The following TNK2 variants were observed in gnomAD, a reference collection of about 807,000 sequenced individuals.
The protein encoded by TNK2 is tyrosine kinase non receptor 2.
TNK2 carries 83 observed loss-of-function variants against 101.8 expected under a neutral mutation model. The observed-to-expected ratio is 0.82, with a 90% CI of 0.68 to 0.98. The LOEUF is 0.98. Ranked by LOEUF, TNK2 falls within the 50% of genes least tolerant of loss-of-function variation. TNK2 has a pLI of 0.00. For synonymous variants in TNK2, 804 were observed against 633.0 expected (o/e 1.27, Z -4.06); for missense variants, 1,665 against 1,483.2 (o/e 1.12, Z -2.01).
At chr3:195,896,903 G>C (rs769041925) in intron 1 of TNK2, 3 of 152,232 alleles carry the variant, frequency 2.0e-5, no homozygotes, top group Non-Finnish European at 2.9e-5. Flanking sequence ...CATGCGAAGT[G>C]ACAAATCCAC....
intron 9 of TNK2, among the ~76,000 whole-genome samples, chr3:195,874,307 C>T (rs909694109): frequency 4.6e-5 from 7 of 152,244 alleles, no homozygotes; most frequent in African/African-American, 1.7e-4. Context: ...CAGCTCCAGG[C>T]ACAGAAGCCT....
In TNK2 at chr3:195,878,568, C is replaced by G. The variant is rs750876936; in HGVS notation, c.1039G>C (p.Gly347Arg). ...TCCTCGGGCCGGGGCAGCCGCTCCC[C>G]CTCCTTGTCGATCTTATGCAGGATC... ...SQILHKIDKE[G>R]ERLPRPEDCP... is the part of the protein sequence containing the mutation. Residue 347 changes from glycine to arginine, a missense_variant, in exon 8 of 16, where the codon GGG (glycine) becomes CGG (arginine). By Grantham distance (125) the Gly-to-Arg change is moderately radical (BLOSUM62 -2). Around this residue, in one of 3 missense-constraint regions of TNK2, gnomAD observed 490 missense variants for 522.5 expected, o/e 0.94. Coordinates refer to ENST00000672887, the MANE Select transcript of TNK2 (RefSeq NM_001382273.1). This position sits in a 1 kb window ranked among gnomAD's most constrained non-coding sequence, Gnocchi z 4.7. 7 of 1,613,366 alleles carry G rather than the reference C, an allele frequency of 4.3e-6. No homozygotes were observed. The South Asian group carries it at 5.5e-5, about 13-fold the overall frequency.
chr3:195,885,093 C>T lies in TNK2; in HGVS notation c.235-60G>A, dbSNP rs1016257913. ...AACACCCCAGGGTCAGTCACTCAGT[C>T]CCACCCCGCTGGGTCCACCTGGTGA... On this transcript the variant is annotated intron_variant, in intron 3 of 15. Coordinates refer to ENST00000672887, the MANE Select transcript of TNK2 (RefSeq NM_001382273.1). The surrounding 1 kb of genome is among the most constrained non-coding windows in gnomAD (Gnocchi z 4.7). 12 of 1,479,788 alleles carry T rather than the reference C, an allele frequency of 8.1e-6. No homozygotes were observed. The highest frequency in any genetic ancestry group is 2.2e-5 in the Admixed American group (1 of 45,136). 91.7% of individuals were successfully genotyped at this position (1,479,788 alleles called of 1,614,324 possible).
At chr3:195,905,597 A>G (rs1761638070) in intron 1 of TNK2, among the ~76,000 whole-genome samples, 1 of 152,128 alleles carries the variant, frequency 6.6e-6, no homozygotes, top group Admixed American at 6.6e-5. Flanking sequence ...CTACATGCAA[A>G]AAACTGGACA....
chr3:195,870,108 TCTTA>T lies in TNK2; in HGVS notation c.1543+2_1543+5del. On this transcript the variant is annotated splice_donor_variant and splice_donor_5th_base_variant and intron_variant, in intron 11 of 15. Coordinates refer to ENST00000672887, the MANE Select transcript of TNK2 (RefSeq NM_001382273.1). LOFTEE classifies it high-confidence loss of function. Reference sequence around the variant, plus strand: ...TAGGGACACCAGGGAGCAGAGGGGCTCTTACTTTTCACCCCTCCTAGATGCTGGG... The same window carrying T: ...TAGGGACACCAGGGAGCAGAGGGGCTCTTTTCACCCCTCCTAGATGCTGGG... 2.1e-6 allele frequency: 3 copies of T among 1,439,212 alleles called. No homozygotes were observed. Among genetic ancestry groups the T allele is most frequent in the South Asian group, 1.5e-5 (1 of 68,536 alleles). 89.2% of individuals were successfully genotyped at this position (1,439,212 alleles called of 1,614,324 possible).
rs1450859579 is a variant in TNK2 at position 195,885,529 on chromosome 3, C to T, written c.235-496G>A. 5.4e-6 allele frequency: 7 copies of T among 1,292,666 alleles called. No homozygotes were observed. The highest frequency in any genetic ancestry group is 2.1e-4 in the Middle Eastern group (1 of 4,706). 80.1% of individuals were successfully genotyped at this position (1,292,666 alleles called of 1,614,324 possible). ...TCTGTCTCCACCCTCACCAGGGAGT[C>T]GGCTGCCCTTCATCCTGCCCAGGGG... On this transcript the variant is annotated intron_variant, in intron 3 of 15. Transcript: ENST00000672887. The surrounding 1 kb of genome is among the most constrained non-coding windows in gnomAD (Gnocchi z 4.7).
At chr3:195,895,655 G>C (rs1577113928) in intron 1 of TNK2, 2 of 1,250,304 alleles carry the variant, frequency 1.6e-6, no homozygotes, top group East Asian at 3.2e-5. Context: ...GCCGGCCGCG[G>C]AACCGGGCTC....
At chr3:195,869,409 A>C in intron 12 of TNK2, 88 bp downstream of exon 12, 121 of 633,222 alleles carry the variant, frequency 1.9e-4, no homozygotes, top group Non-Finnish European at 2.8e-4. Flanking sequence ...CCTCCGGCCC[A>C]GCCGCCCAGG....
intron 1 of TNK2, chr3:195,896,005 C>A: frequency 5.3e-6 from 2 of 380,828 alleles, no homozygotes; most frequent in South Asian, 3.6e-5. Context: ...GTTCCCCGCG[C>A]GCCACTCCCG....
intron 1 of TNK2, among the ~76,000 whole-genome samples, chr3:195,907,830 T>G (rs1022470445): frequency 1.3e-5 from 2 of 152,156 alleles, no homozygotes; most frequent in Non-Finnish European, 2.9e-5. Flanking sequence ...AAGTGCACCC[T>G]CCTCTCCCGC....
intron 10 of TNK2, among the ~76,000 whole-genome samples, chr3:195,871,985 G>A (rs1745725841): frequency 2.2e-5 from 1 of 46,076 alleles, no homozygotes; most frequent in Non-Finnish European, 5.2e-5. Flanking sequence ...ACCCTCCCCT[G>A]GAGAACCCTC....
intron 9 of TNK2, chr3:195,872,728 A>AC (rs1433652293): frequency 1.2e-5 from 6 of 484,066 alleles, no homozygotes; most frequent in Non-Finnish European, 1.1e-5. Context: ...ATAAGGAGGC[A>AC]CGCTGGAAGC....
chr3:195,873,264 CTGGGCAGGGGCA>C (rs1746700889), intron 9 of TNK2, among the ~76,000 whole-genome samples: 1 of 152,172 alleles, frequency 6.6e-6, no homozygotes, highest in Non-Finnish European at 1.5e-5. Flanking sequence ...AAGCCGGGGC[CTGGGCAGGGGCA>C]GGGGCAGGGG....
At chr3:195,869,164 C>T in intron 12 of TNK2, 1 of 548,820 alleles carries the variant, frequency 1.8e-6, no homozygotes, top group South Asian at 2.2e-5. Flanking sequence ...TGACCAACGG[C>T]CACAAAGCCC....
At chr3:195,870,368 T>TG (rs762966891) in intron 10 of TNK2, 163 bp from the exon 11 acceptor site, 1 of 1,487,370 alleles carries the variant, frequency 6.7e-7, no homozygotes, top group Middle Eastern at 1.8e-4. Context: ...ACGTCTCAGC[T>TG]GGGGGGTGTC....
intron 1 of TNK2, among the ~76,000 whole-genome samples, chr3:195,894,132 T>C (rs1345221064): frequency 1.3e-5 from 2 of 152,074 alleles, no homozygotes; most frequent in Non-Finnish European, 1.5e-5. Flanking sequence ...CAGAGAAGCC[T>C]ACAGCCTTAC....
chr3:195,867,143 C>G lies in TNK2; in HGVS notation c.3033+26G>C, dbSNP rs560499097. On this transcript the variant is annotated intron_variant, in intron 14 of 15. Coordinates refer to ENST00000672887, the MANE Select transcript of TNK2 (RefSeq NM_001382273.1). ...AACCAGGCTTCAGGGTCCCTGAGAG[C>G]CAGAGTGAGCAGGAGGTGGCGGTAC... 1.9e-6 allele frequency: 3 copies of G among 1,611,398 alleles called. No individual in the cohort carries two copies. In the African/African-American group the frequency reaches 4.0e-5, roughly 21 times the overall value.
intron 1 of TNK2, chr3:195,896,657 T>G (rs1292446351): frequency 6.5e-6 from 1 of 153,908 alleles, no homozygotes; most frequent in Non-Finnish European, 1.5e-5. Flanking sequence ...TGCCCTTTCC[T>G]GCTTTCTCCC....
chr3:195,882,070 G>A lies in TNK2; in HGVS notation c.868C>T (p.Arg290Cys), dbSNP rs762033031. 1.7e-5 allele frequency: 27 copies of A among 1,610,564 alleles called. No homozygotes were observed. The highest frequency in any genetic ancestry group is 5.3e-5 in the African/African-American group (4 of 74,882). The change falls in exon 6 of 16, where the codon CGC becomes TGC. Residue 290 changes from arginine to cysteine, a missense_variant. Coordinates refer to ENST00000672887, the MANE Select transcript of TNK2 (RefSeq NM_001382273.1). This position sits in a 1 kb window ranked among gnomAD's most constrained non-coding sequence, Gnocchi z 4.2. The part of the protein sequence containing the change: ...NDDHYVMQEH[R>C]KVPFAWCAPE... ...CCTCACCAGGCGAAGGGCACCTTGC[G>A]ATGTTCCTGCATGACGTAATGGTCG...
Sources: gnomAD v4.1 joint callset for allele counts (sites outside exome capture counted in the v4.1 genomes callset) on GRCh38, gnomAD v4.1.1 for gene constraint, gnomAD v4.1.1 regional missense constraint, Gnocchi (gnomAD v3.1) non-coding constraint, MANE v1.5 for transcripts, NCBI Gene and HGNC (gene_info 2026-07-23, HGNC 2026-07-21) for gene names.